Variants in CARMIL1 observed in about 807,000 individuals in gnomAD.
CARMIL1 encodes capping protein regulator and myosin 1 linker 1.
Under a neutral mutation model 177.1 loss-of-function variants are expected in CARMIL1, and 90 were observed. That is an observed-to-expected ratio of 0.51 (90% CI 0.43 to 0.61). The LOEUF (loss-of-function observed/expected upper bound fraction) is 0.61, where lower values mean the gene tolerates loss of function less well. CARMIL1 is among the 20% of genes least tolerant of loss of function. CARMIL1 has a pLI of 0.00. For synonymous variants in CARMIL1, 577 were observed against 606.2 expected, an observed-to-expected ratio of 0.95 and a Z score of 0.71; for missense variants, 1,380 against 1,667.0, an observed-to-expected ratio of 0.83 and a Z score of 3.00.
At chr6:25,440,745 A>C (rs142634213) in intron 5 of CARMIL1, among the ~76,000 whole-genome samples, 1 of 152,198 alleles carries the variant, frequency 6.6e-6, no homozygotes, top group East Asian at 1.9e-4. Flanking sequence ...GTAATGTCAT[A>C]TATTCCACTC....
At chr6:25,292,081 C>T (rs967965237) in intron 2 of CARMIL1, among the ~76,000 whole-genome samples, 1 of 152,138 alleles carries the variant, frequency 6.6e-6, no homozygotes, top group African/African-American at 2.4e-5. Flanking sequence ...AAGACAAATT[C>T]ATATAAAATG....
chr6:25,577,152 T>C lies in CARMIL1; in HGVS notation c.2743-3772T>C, dbSNP rs556731333. On this transcript the variant is annotated intron_variant, in intron 29 of 36. Coordinates refer to ENST00000329474, the MANE Select transcript of CARMIL1 (RefSeq NM_017640.6). This position sits in a 1 kb window ranked among gnomAD's most constrained non-coding sequence, Gnocchi z 4.5. ...AATAGGCAACAATTTAGAGACAAGA[T>C]TGGATTTTGCAAGATGGTTCAGCTA... The C allele has an allele frequency of 5.3e-5, 52 of 984,824 alleles. No homozygotes were observed. Among genetic ancestry groups the C allele is most frequent in the Admixed American group, 3.7e-4 (6 of 16,248 alleles). 61.0% of individuals were successfully genotyped at this position (984,824 alleles called of 1,614,324 possible).
intron 35 of CARMIL1, 138 bp from the exon 36 acceptor site, chr6:25,609,912 A>G: frequency 1.0e-6 from 1 of 988,286 alleles, no homozygotes; most frequent in South Asian, 2.2e-5. Context: ...AAAAACACAA[A>G]ACTAATTTTT....
chr6:25,373,392 C>CTT (rs36050000), intron 2 of CARMIL1, among the ~76,000 whole-genome samples: 3 of 122,906 alleles, frequency 2.4e-5, no homozygotes, highest in African/African-American at 6.1e-5. Flanking sequence ...TGGCCTTCGG[C>CTT]TTTTTTTTTT....
chr6:25,608,448 G>A (rs1008981834), intron 35 of CARMIL1, among the ~76,000 whole-genome samples: 8 of 152,168 alleles, frequency 5.3e-5, no homozygotes, highest in African/African-American at 1.9e-4. Context: ...GGCATCCACT[G>A]GAGGTCTTGG....
At chr6:25,596,425 G>C (rs6900338) in intron 32 of CARMIL1, among the ~76,000 whole-genome samples, 5,593 of 152,242 alleles carry the variant, frequency 0.037, 133 homozygotes, top group South Asian at 0.11. Context: ...TAAAGTGTCA[G>C]ATGTTCTACA....
intron 5 of CARMIL1, among the ~76,000 whole-genome samples, chr6:25,442,875 A>C (rs1253799831): frequency 2.0e-5 from 3 of 152,134 alleles, no homozygotes; most frequent in Non-Finnish European, 4.4e-5. Context: ...CTGAGTGTGA[A>C]TGTCCACTTT....
intron 31 of CARMIL1, among the ~76,000 whole-genome samples, chr6:25,582,205 T>G (rs905962796): frequency 6.6e-6 from 1 of 152,168 alleles, no homozygotes; most frequent in African/African-American, 2.4e-5. Flanking sequence ...CTGTGGACTC[T>G]TCAGCTGTCC....
At chr6:25,516,879 G>C (rs1406261919) in intron 21 of CARMIL1, among the ~76,000 whole-genome samples, 1 of 152,212 alleles carries the variant, frequency 6.6e-6, no homozygotes, top group Non-Finnish European at 1.5e-5. Context: ...AACTATGACA[G>C]ATTCTCTCTA....
intron 2 of CARMIL1, among the ~76,000 whole-genome samples, chr6:25,352,696 A>G (rs1049065228): frequency 2.0e-5 from 3 of 152,176 alleles, no homozygotes; most frequent in Non-Finnish European, 4.4e-5. Flanking sequence ...TGTCTCTTGT[A>G]CTAAATAGAA....
At chr6:25,459,263 T>TTTCTTTCTTTCTTTCTTTCC (rs1562167752) in intron 8 of CARMIL1, among the ~76,000 whole-genome samples, 3 of 123,602 alleles carry the variant, frequency 2.4e-5, no homozygotes, top group African/African-American at 8.8e-5. Flanking sequence ...TCTTTCTTTC[T>TTTCTTTCTTTCTTTCTTTCC]TTCTTTTTTT....
chr6:25,492,338 C>A (rs183269641), intron 15 of CARMIL1, among the ~76,000 whole-genome samples: 1 of 152,160 alleles, frequency 6.6e-6, no homozygotes, highest in African/African-American at 2.4e-5. Context: ...GTATTTCTCA[C>A]GGGTGAGCTT....
In CARMIL1 at chr6:25,368,056, G is replaced by A. The variant is rs529193425; in HGVS notation, c.139-52058G>A. On this transcript the variant is annotated intron_variant, in intron 2 of 36. Transcript: ENST00000329474. ...ATTACAGGCGTGAGCCACCGCACCC[G>A]GCTGCATTCAGACCTTTCCACGTCA... Among the ~76,000 whole-genome samples, 14 of 152,208 alleles carry A rather than the reference G, an allele frequency of 9.2e-5. No individual in the cohort carries two copies. In the South Asian group the frequency reaches 2.5e-3, roughly 27 times the overall value.
intron 2 of CARMIL1, among the ~76,000 whole-genome samples, chr6:25,382,896 A>T (rs1257680688): frequency 6.6e-6 from 1 of 152,310 alleles, no homozygotes; most frequent in East Asian, 1.9e-4. Context: ...GGGCCTCCCA[A>T]AGTGCTGGGA....
At chr6:25,332,329 C>CA (rs1275175729) in intron 2 of CARMIL1, among the ~76,000 whole-genome samples, 1 of 152,076 alleles carries the variant, frequency 6.6e-6, no homozygotes, top group East Asian at 1.9e-4. Context: ...ACTGAGAAAG[C>CA]TGTAGTGAAT....
In CARMIL1 at chr6:25,489,522, C is replaced by T. The variant is rs1223517282; in HGVS notation, c.1065+937C>T. Among the ~76,000 whole-genome samples, 4 of 152,166 alleles carry T rather than the reference C, an allele frequency of 2.6e-5. No individual in the cohort carries two copies. The South Asian group carries it at 6.2e-4, about 24-fold the overall frequency. ...AGTGGATTAGGTATTATCTCATTTC[C>T]ATATGTGGCAAATGATCCCCTCTAG... On this transcript the variant is annotated intron_variant, in intron 13 of 36. Coordinates refer to ENST00000329474, the MANE Select transcript of CARMIL1 (RefSeq NM_017640.6).
chr6:25,363,745 GT>G lies in CARMIL1; in HGVS notation c.139-56365del, dbSNP rs1020088365. The stretch of plus-strand genomic sequence containing the variant: ...GAAGAGATTTTAAAAATCATGTATA[GT>G]TTTATATATAGATTCATATATAGTT... On this transcript the variant is annotated intron_variant, in intron 2 of 36. Transcript: ENST00000329474. Among the ~76,000 whole-genome samples the G allele has an allele frequency of 2.0e-4, 30 of 152,270 alleles. 1 individual carries two copies. The highest frequency in any genetic ancestry group is 1.8e-3 in the Admixed American group (28 of 15,296).
intron 2 of CARMIL1, among the ~76,000 whole-genome samples, chr6:25,334,630 A>G (rs1461773361): frequency 6.6e-6 from 1 of 152,150 alleles, no homozygotes; most frequent in Non-Finnish European, 1.5e-5. Context: ...AATAGTTCTT[A>G]TTAATTTTTA....
At chr6:25,538,339 G>A (rs1191866259) in intron 25 of CARMIL1, among the ~76,000 whole-genome samples, 2 of 152,142 alleles carry the variant, frequency 1.3e-5, no homozygotes, top group African/African-American at 2.4e-5. Context: ...CTTCTCTCAC[G>A]TTAGACTTTG....
Sources: gnomAD v4.1 joint callset for allele counts (sites outside exome capture counted in the v4.1 genomes callset) on GRCh38, gnomAD v4.1.1 for gene constraint, Gnocchi (gnomAD v3.1) non-coding constraint, MANE v1.5 for transcripts, NCBI Gene and HGNC (gene_info 2026-07-23, HGNC 2026-07-21) for gene names.